CATSPERT: variants seen among roughly 807,000 people sequenced by gnomAD.
The protein encoded by CATSPERT is catsper channel auxiliary subunit tau, also known as cation channel sperm-associated targeting subunit tau.
the CATSPERT span, among the ~76,000 whole-genome samples, chr2:201,500,330 C>T: frequency 3.3e-5 from 5 of 151,588 alleles, no homozygotes; most frequent in South Asian, 2.1e-4. Flanking sequence ...CTGGCTAACA[C>T]GGTGAAACCC....
chr2:201,524,746 A>G, the CATSPERT span, among the ~76,000 whole-genome samples: 2 of 152,228 alleles, frequency 1.3e-5, no homozygotes, highest in Non-Finnish European at 2.9e-5. Context: ...AATGACACCC[A>G]TAGGCTCAAA....
the CATSPERT span, among the ~76,000 whole-genome samples, chr2:201,616,399 C>T: frequency 6.6e-6 from 1 of 152,132 alleles, no homozygotes; most frequent in Admixed American, 6.5e-5. Context: ...AAGGCTGGTC[C>T]AACATATGCA....
At chr2:201,601,305 TGTGTGTGTGTGG>T in the CATSPERT span, among the ~76,000 whole-genome samples, 543 of 145,514 alleles carry the variant, frequency 3.7e-3, 4 homozygotes, top group Admixed American at 6.0e-3. Context: ...TGTGTGTGTG[TGTGTGTGTGTGG>T]GTTGTAATAA....
the CATSPERT span, among the ~76,000 whole-genome samples, chr2:201,576,906 C>T: frequency 2.0e-4 from 30 of 152,328 alleles, no homozygotes; most frequent in African/African-American, 7.2e-4. Flanking sequence ...TCGCATCTCT[C>T]AGGGATGGCT....
At chr2:201,614,238 A>G in the CATSPERT span, among the ~76,000 whole-genome samples, 2 of 152,192 alleles carry the variant, frequency 1.3e-5, no homozygotes, top group Non-Finnish European at 2.9e-5. Flanking sequence ...GAGAAGAGGA[A>G]CTCCAAGATA....
chr2:201,562,527 T>A, the CATSPERT span, among the ~76,000 whole-genome samples: 2 of 60,262 alleles, frequency 3.3e-5, no homozygotes, highest in African/African-American at 5.1e-5. Context: ...TATTTATTTA[T>A]TTTTTTTATT....
At chr2:201,515,773 G>A in the CATSPERT span, among the ~76,000 whole-genome samples, 1 of 152,068 alleles carries the variant, frequency 6.6e-6, no homozygotes, top group Non-Finnish European at 1.5e-5. Flanking sequence ...AATAACAGAG[G>A]GCAGAGGCAC....
At chr2:201,535,274 A>G in the CATSPERT span, 2 of 985,232 alleles carry the variant, frequency 2.0e-6, no homozygotes, top group Non-Finnish European at 1.2e-6. Context: ...ATTTAGAAGC[A>G]GAATCTCACT....
chr2:201,530,744 C>T, the CATSPERT span, among the ~76,000 whole-genome samples: 78 of 152,290 alleles, frequency 5.1e-4, no homozygotes, highest in Non-Finnish European at 1.5e-5. Flanking sequence ...GCTCTTACCA[C>T]TTACCCTTTG....
At chr2:201,552,084 CCCCCAGGCCCAAGTA>C in the CATSPERT span, among the ~76,000 whole-genome samples, 40 of 151,140 alleles carry the variant, frequency 2.6e-4, no homozygotes, top group Non-Finnish European at 5.0e-4. Context: ...TCGGCTCCAC[CCCCCAGGCCCAAGTA>C]CTTCTCCCAC....
At chr2:201,615,933 A>G in the CATSPERT span, among the ~76,000 whole-genome samples, 1 of 152,238 alleles carries the variant, frequency 6.6e-6, no homozygotes, top group Non-Finnish European at 1.5e-5. Flanking sequence ...AAACACCTCT[A>G]TGCAAATAAA....
chr2:201,490,281 G>T, the CATSPERT span, among the ~76,000 whole-genome samples: 1 of 152,170 alleles, frequency 6.6e-6, no homozygotes, highest in African/African-American at 2.4e-5. Flanking sequence ...ATAATCCAAT[G>T]GATTGTAAAT....
the CATSPERT span, among the ~76,000 whole-genome samples, chr2:201,523,621 C>T: frequency 6.8e-6 from 1 of 146,956 alleles, no homozygotes; most frequent in Non-Finnish European, 1.5e-5. Flanking sequence ...GCACTAGCTC[C>T]CCAGCAATGG....
the CATSPERT span, among the ~76,000 whole-genome samples, chr2:201,606,532 G>A: frequency 6.6e-6 from 1 of 152,112 alleles, no homozygotes; most frequent in African/African-American, 2.4e-5. Context: ...TTACTCTTGA[G>A]CCCCTCCCAA....
the CATSPERT span, among the ~76,000 whole-genome samples, chr2:201,490,979 T>TC: frequency 6.6e-6 from 1 of 152,118 alleles, no homozygotes; most frequent in African/African-American, 2.4e-5. Context: ...TGCCTCAGCC[T>TC]CCCAAAGTGC....
At chr2:201,571,536 G>A in the CATSPERT span, among the ~76,000 whole-genome samples, 2 of 152,264 alleles carry the variant, frequency 1.3e-5, no homozygotes, top group Non-Finnish European at 2.9e-5. Flanking sequence ...TGGTGTAGAG[G>A]TAAGGGTAAC....
chr2:201,594,932 C>T, the CATSPERT span, among the ~76,000 whole-genome samples: 8 of 152,050 alleles, frequency 5.3e-5, no homozygotes, highest in South Asian at 2.1e-4. Flanking sequence ...AATGTCCTCC[C>T]GTAGCTCGGA....
At chr2:201,543,413 G>A in the CATSPERT span, among the ~76,000 whole-genome samples, 5 of 152,114 alleles carry the variant, frequency 3.3e-5, no homozygotes, top group African/African-American at 1.2e-4. Flanking sequence ...GATAGAGATT[G>A]CACTGAATCT....
At chr2:201,612,614 A>T in the CATSPERT span, among the ~76,000 whole-genome samples, 2 of 151,544 alleles carry the variant, frequency 1.3e-5, no homozygotes, top group South Asian at 4.2e-4. Flanking sequence ...AGATAGCCAA[A>T]TAGGAGCAGC....
Sources: allele counts gnomAD v4.1 joint callset (sites outside exome capture counted in the v4.1 genomes callset), GRCh38; gene constraint gnomAD v4.1.1; transcripts MANE v1.5; gene names NCBI Gene and HGNC (gene_info 2026-07-23, HGNC 2026-07-21).